PMM2: variants seen among roughly 807,000 people sequenced by gnomAD.
PMM2 encodes phosphomannomutase 2.
PMM2 carries 35 observed loss-of-function variants against 33.2 expected under a neutral mutation model. The ratio of observed to expected loss-of-function variants is 1.06; its 90% CI spans 0.81 to 1.40. The LOEUF (loss-of-function observed/expected upper bound fraction) is 1.40, where lower values mean the gene tolerates loss of function less well. Ranked by LOEUF, PMM2 falls within the 40% of genes most tolerant of loss-of-function variation. The probability of loss-of-function intolerance (pLI) is 0.00; values close to 1 mark genes in which losing one functional copy is unlikely to be tolerated. For synonymous variants in PMM2, 153 were observed against 114.7 expected (o/e 1.33, Z -2.13); for missense variants, 386 against 306.0 (o/e 1.26, Z -1.95).
chr16:8,815,344 C>T (rs11648029), intron 7 of PMM2, among the ~76,000 whole-genome samples: 59,702 of 151,314 alleles, frequency 0.39, 12,065 homozygotes, highest in Non-Finnish European at 0.46. Context: ...TCTCGTGCCT[C>T]AGCCTCCCGA....
At chr16:8,829,935 G>A (rs991935832) in intron 7 of PMM2, among the ~76,000 whole-genome samples, 1 of 152,182 alleles carries the variant, frequency 6.6e-6, no homozygotes, top group Non-Finnish European at 1.5e-5. Flanking sequence ...TACAATTAGG[G>A]CAGATACCCC....
At chr16:8,825,675 G>T (rs1462998526) in intron 7 of PMM2, among the ~76,000 whole-genome samples, 1 of 151,852 alleles carries the variant, frequency 6.6e-6, no homozygotes, top group Middle Eastern at 3.2e-3. Flanking sequence ...TAGTTTGACT[G>T]TAGGGTAACA....
chr16:8,837,726 CT>C (rs959561650), intron 7 of PMM2, among the ~76,000 whole-genome samples: 5 of 152,132 alleles, frequency 3.3e-5, no homozygotes, highest in African/African-American at 1.2e-4. Flanking sequence ...GTGTACTTGC[CT>C]CTCCGCCAGA....
chr16:8,801,957 A>C (rs2060619157), intron 2 of PMM2, 47 bp downstream of exon 2: 1 of 1,308,840 alleles, frequency 7.6e-7, no homozygotes, highest in Non-Finnish European at 1.1e-6. Context: ...TTAACTTCTT[A>C]TGAGGATATT....
At chr16:8,842,679 G>A (rs1205645425) in intron 7 of PMM2, among the ~76,000 whole-genome samples, 5 of 152,220 alleles carry the variant, frequency 3.3e-5, no homozygotes, top group Non-Finnish European at 7.3e-5. Flanking sequence ...TGGTTGATAA[G>A]GCGCAGATCC....
Position 8,848,164 on chromosome 16 carries a change from C to G in PMM2, c.*339C>G. On this transcript the variant is annotated 3_prime_UTR_variant, in exon 8 of 8. Transcript: ENST00000268261. ...TTCTAGGATGATACAGAAAGAAAAA[C>G]TGTGCCTGGACCCTCCCTCTTGGTG... 4 of 300,860 alleles carry G rather than the reference C, an allele frequency of 1.3e-5. No homozygotes were observed. The highest frequency in any genetic ancestry group is 1.3e-4 in the South Asian group (4 of 31,076). The allele number at this position is 300,860 out of a possible 1,614,324, so 18.6% of individuals were successfully genotyped here. A position where few individuals can be genotyped will look rare whatever the true frequency, so the allele number is the denominator to read the frequency against.
chr16:8,805,232 TA>T (rs1434503441), intron 3 of PMM2, among the ~76,000 whole-genome samples: 3 of 151,642 alleles, frequency 2.0e-5, no homozygotes, highest in Non-Finnish European at 2.9e-5. Context: ...CACACCCAGC[TA>T]ATTTTTGTAT....
chr16:8,798,129 A>G (rs2060590270), intron 1 of PMM2, among the ~76,000 whole-genome samples, 181 bp downstream of exon 1: 1 of 152,192 alleles, frequency 6.6e-6, no homozygotes, highest in Non-Finnish European at 1.5e-5. Flanking sequence ...CCAGCTCTTG[A>G]AGAGCTCTGG....
rs748766916 is a variant in PMM2, at chr16:8,848,892, G to C, written c.*1067G>C. The C allele has an allele frequency of 1.3e-5, 2 of 152,224 alleles. No individual in the cohort carries two copies. Among genetic ancestry groups the C allele is most frequent in the South Asian group, 2.1e-4 (1 of 4,840 alleles). The allele number at this position is 152,224 out of a possible 1,614,324, so 9.4% of individuals were successfully genotyped here. ...TCTTTTCATCTTCTGCACGTTCTTC[G>C]TGAAACTGGAAGGATCCCGGGTCTC... On this transcript the variant is annotated 3_prime_UTR_variant, in exon 8 of 8. Coordinates refer to ENST00000268261, the MANE Select transcript of PMM2 (RefSeq NM_000303.3).
intron 1 of PMM2, among the ~76,000 whole-genome samples, 169 bp downstream of exon 1, chr16:8,798,117 A>G (rs2079027445): frequency 6.6e-6 from 1 of 152,244 alleles, no homozygotes; most frequent in Non-Finnish European, 1.5e-5. Flanking sequence ...GGGAGGCCCT[A>G]ACCAGCTCTT....
At chr16:8,800,665 C>CTTTTTTTTTTTTT (rs35148703) in intron 1 of PMM2, among the ~76,000 whole-genome samples, 2 of 126,638 alleles carry the variant, frequency 1.6e-5, no homozygotes, top group African/African-American at 2.8e-5. Context: ...TAAGCTTCTC[C>CTTTTTTTTTTTTT]TTTTTTTTTT....
At chr16:8,807,518 A>T (rs1268045202) in intron 4 of PMM2, 1 of 151,778 alleles carries the variant, frequency 6.6e-6, no homozygotes, top group Non-Finnish European at 1.5e-5. Context: ...TTTGAGAGAG[A>T]GGATCTCGCC....
rs1026673343 is a variant in PMM2 at position 8,840,223 on chromosome 16, T to G, written c.640-7501T>G. On this transcript the variant is annotated intron_variant, in intron 7 of 7. Transcript: ENST00000268261. ...GTAGAGGGTGGCATAAGAATGGGAA[T>G]GAGAATAAGAGTGAGTATAAAAGTA... Among the ~76,000 whole-genome samples the G allele has an allele frequency of 2.3e-4, 35 of 151,626 alleles. 1 individual carries two copies. The highest frequency in any genetic ancestry group is 6.3e-4 in the South Asian group (3 of 4,796).
chr16:8,840,865 T>TG (rs1466793956), intron 7 of PMM2, among the ~76,000 whole-genome samples: 1 of 151,920 alleles, frequency 6.6e-6, no homozygotes, highest in Non-Finnish European at 1.5e-5. Context: ...TTCATATGGC[T>TG]GGGGATCTGG....
intron 7 of PMM2, among the ~76,000 whole-genome samples, chr16:8,843,223 A>T (rs2060901843): frequency 6.6e-6 from 1 of 152,122 alleles, no homozygotes; most frequent in Non-Finnish European, 1.5e-5. Flanking sequence ...CTTGAAAAGA[A>T]GGCAACATGG....
intron 1 of PMM2, 150 bp downstream of exon 1, chr16:8,798,098 G>A (rs867977703): frequency 1.3e-6 from 1 of 746,652 alleles, no homozygotes; most frequent in Middle Eastern, 3.6e-4. Context: ...GTGCACTGGA[G>A]GAATGAGAGG....
intron 7 of PMM2, among the ~76,000 whole-genome samples, chr16:8,838,559 T>G (rs938740527): frequency 6.6e-6 from 1 of 151,918 alleles, no homozygotes; most frequent in Non-Finnish European, 1.5e-5. Flanking sequence ...TGGGAGAGAT[T>G]AAGCTGAAGG....
At chr16:8,832,808 C>T (rs960199112) in intron 7 of PMM2, 1 of 985,450 alleles carries the variant, frequency 1.0e-6, no homozygotes, top group African/African-American at 1.7e-5. Context: ...GCCCCAGCCC[C>T]TGCCCATCCT....
chr16:8,820,091 G>GGAGGCT (rs1172665840), intron 7 of PMM2, among the ~76,000 whole-genome samples: 1 of 152,236 alleles, frequency 6.6e-6, no homozygotes, highest in Non-Finnish European at 1.5e-5. Context: ...CAGCTACTCA[G>GGAGGCT]GAGGCTGAGG....
Sources: gnomAD v4.1 joint callset for allele counts (sites outside exome capture counted in the v4.1 genomes callset) on GRCh38, gnomAD v4.1.1 for gene constraint, MANE v1.5 for transcripts, NCBI Gene and HGNC (gene_info 2026-07-23, HGNC 2026-07-21) for gene names.